LAMA2: variants seen among roughly 807,000 people sequenced by gnomAD.
LAMA2 encodes the protein laminin subunit alpha 2, also known as laminin subunit alpha-2.
In LAMA2, 269 loss-of-function variants were observed where a neutral mutation model predicts 364.8. The ratio of observed to expected loss-of-function variants is 0.74; its 90% CI spans 0.67 to 0.82. The LOEUF is 0.82. Ranked by LOEUF, LAMA2 falls within the 40% of genes least tolerant of loss-of-function variation. The pLI, the probability that LAMA2 is intolerant of heterozygous loss-of-function variation, is 0.00. For synonymous variants in LAMA2, 1,379 were observed against 1,370.6 expected, an observed-to-expected ratio of 1.01 and a Z score of -0.14; for missense variants, 3,807 against 3,873.2, an observed-to-expected ratio of 0.98 and a Z score of 0.45.
intron 1 of LAMA2, among the ~76,000 whole-genome samples, chr6:128,923,640 T>C (rs897514484): frequency 1.3e-5 from 2 of 152,190 alleles, no homozygotes; most frequent in Non-Finnish European, 2.9e-5. Flanking sequence ...ATAATTTTTT[T>C]CCCACTGTTC....
rs958536361 is a variant in LAMA2 at position 128,978,726 on chromosome 6, A to G, written c.113-71192A>G. On this transcript the variant is annotated intron_variant, in intron 1 of 64. Transcript: ENST00000421865. ...CATTTGACTTGAGAAAAGATAAGAA[A>G]CAGGGTTCTCAATAGTGTGATCTAC... Among the ~76,000 whole-genome samples the G allele has an allele frequency of 4.6e-5, 7 of 152,328 alleles. No homozygotes were observed. The East Asian group carries it at 7.7e-4, about 17-fold the overall frequency.
intron 32 of LAMA2, among the ~76,000 whole-genome samples, chr6:129,357,792 ACT>A (rs1777231190): frequency 6.6e-6 from 1 of 152,028 alleles, no homozygotes. Context: ...TCACTAGAAC[ACT>A]GTTGTACATT....
chr6:128,887,138 G>A lies in LAMA2; in HGVS notation c.112+3781G>A, dbSNP rs143382009. Among the ~76,000 whole-genome samples, 23 of 152,230 alleles carry A rather than the reference G, an allele frequency of 1.5e-4. No individual in the cohort carries two copies. In the East Asian group the frequency reaches 4.4e-3, roughly 29 times the overall value. On this transcript the variant is annotated intron_variant, in intron 1 of 64. Coordinates refer to ENST00000421865, the MANE Select transcript of LAMA2 (RefSeq NM_000426.4). ...CACACATTTTTGGCAAGAATACTTAGATATTTAGCATGGATTTTCCACATC... is the reference window on the plus strand; with the variant it reads ...CACACATTTTTGGCAAGAATACTTAAATATTTAGCATGGATTTTCCACATC...
intron 1 of LAMA2, among the ~76,000 whole-genome samples, chr6:128,990,000 T>G (rs1019896101): frequency 6.6e-6 from 1 of 152,168 alleles, no homozygotes; most frequent in Non-Finnish European, 1.5e-5. Flanking sequence ...GAGATTAGGT[T>G]TCAACATATG....
intron 3 of LAMA2, among the ~76,000 whole-genome samples, chr6:129,065,610 C>T (rs193247109): frequency 6.6e-6 from 1 of 151,944 alleles, no homozygotes; most frequent in African/African-American, 2.4e-5. Flanking sequence ...CATAAACTAA[C>T]GAGGAACTAT....
intron 3 of LAMA2, among the ~76,000 whole-genome samples, chr6:129,065,550 C>G (rs1207519467): frequency 6.6e-6 from 1 of 152,112 alleles, no homozygotes; most frequent in Non-Finnish European, 1.5e-5. Context: ...TAAACAAATT[C>G]TGTAAATTAG....
intron 40 of LAMA2, among the ~76,000 whole-genome samples, chr6:129,418,447 T>A (rs1340099684): frequency 6.6e-6 from 1 of 152,050 alleles, no homozygotes; most frequent in African/African-American, 2.4e-5. Context: ...TAGTCCAGAT[T>A]TTCAGAATTG....
chr6:129,227,363 A>G (rs1784369108), intron 12 of LAMA2, among the ~76,000 whole-genome samples: 2 of 152,034 alleles, frequency 1.3e-5, no homozygotes, highest in African/African-American at 2.4e-5. Context: ...GCTTTGTTCC[A>G]TTGCTGGCAA....
rs541819601 is a variant in LAMA2 at position 128,895,235 on chromosome 6, A to G, written c.112+11878A>G. Among the ~76,000 whole-genome samples the G allele has an allele frequency of 3.9e-5, 6 of 152,322 alleles. No homozygotes were observed. In the East Asian group the frequency reaches 1.2e-3, roughly 29 times the overall value. On this transcript the variant is annotated intron_variant, in intron 1 of 64. Transcript: ENST00000421865. ...ACATATAGAAATCAAAATCTCTGCC[A>G]TATCATCTGCCCTTCTTAATTTCCT...
intron 27 of LAMA2, among the ~76,000 whole-genome samples, chr6:129,319,857 G>A (rs978860530): frequency 1.3e-5 from 2 of 152,092 alleles, no homozygotes. Context: ...TAAGGGCTGG[G>A]CTCAGTGGCT....
At chr6:129,165,393 T>TA (rs1219446401) in intron 8 of LAMA2, among the ~76,000 whole-genome samples, 183 bp from the exon 9 acceptor site, 1 of 152,104 alleles carries the variant, frequency 6.6e-6, no homozygotes, top group Admixed American at 6.6e-5. Flanking sequence ...TACTTTTGTG[T>TA]AAGCATGTAA....
chr6:129,278,827 C>A (rs1473956242), intron 17 of LAMA2, among the ~76,000 whole-genome samples: 1 of 152,102 alleles, frequency 6.6e-6, no homozygotes, highest in Non-Finnish European at 1.5e-5. Flanking sequence ...GATAGACTTA[C>A]CTGGTCCTAA....
At chr6:129,280,333 A>C (rs1316826952) in intron 18 of LAMA2, among the ~76,000 whole-genome samples, 186 bp downstream of exon 18, 2 of 152,192 alleles carry the variant, frequency 1.3e-5, no homozygotes, top group Non-Finnish European at 2.9e-5. Flanking sequence ...ATTTTTCAGA[A>C]ATTGCTTCAT....
intron 1 of LAMA2, among the ~76,000 whole-genome samples, chr6:128,974,923 T>C (rs188088361): frequency 1.4e-4 from 21 of 151,416 alleles, no homozygotes; most frequent in Admixed American, 1.3e-3. Flanking sequence ...ACGATCTTGG[T>C]TCACTGCAAG....
chr6:129,270,164 G>C (rs934599307), intron 16 of LAMA2, among the ~76,000 whole-genome samples: 3 of 151,846 alleles, frequency 2.0e-5, no homozygotes, highest in Non-Finnish European at 4.4e-5. Flanking sequence ...TCTATGATTA[G>C]CCACAGTTCC....
chr6:129,228,801 T>A (rs1046632084), intron 12 of LAMA2, among the ~76,000 whole-genome samples: 1 of 152,224 alleles, frequency 6.6e-6, no homozygotes, highest in Admixed American at 6.5e-5. Context: ...TTTCTCCAGC[T>A]GTGGCTCTAA....
rs1241620933 is a variant in LAMA2 at position 128,994,011 on chromosome 6, G to T, written c.113-55907G>T. Among the ~76,000 whole-genome samples the T allele has an allele frequency of 2.0e-5, 3 of 152,174 alleles. No individual in the cohort carries two copies. In the East Asian group the frequency reaches 5.8e-4, roughly 29 times the overall value. On this transcript the variant is annotated intron_variant, in intron 1 of 64. Transcript: ENST00000421865. ...GTGAATCCAATTTTAAGAGTTAAAT[G>T]TTGTGTCAATGCCATGAATCAGAGA...
intron 61 of LAMA2, among the ~76,000 whole-genome samples, chr6:129,507,041 A>G (rs1786142733): frequency 6.6e-6 from 1 of 151,386 alleles, no homozygotes; most frequent in South Asian, 2.1e-4. Context: ...TTAGATATTC[A>G]AAAGGAAGAA....
intron 32 of LAMA2, among the ~76,000 whole-genome samples, chr6:129,360,517 A>G (rs1294656048): frequency 6.6e-6 from 1 of 152,202 alleles, no homozygotes; most frequent in Non-Finnish European, 1.5e-5. Flanking sequence ...CATGGCTGTC[A>G]TATTCATAAG....
Sources: gnomAD v4.1 joint callset for allele counts (sites outside exome capture counted in the v4.1 genomes callset) on GRCh38, gnomAD v4.1.1 for gene constraint, MANE v1.5 for transcripts, NCBI Gene and HGNC (gene_info 2026-07-23, HGNC 2026-07-21) for gene names.